The following GRM8 variants were observed in gnomAD, a reference collection of about 807,000 sequenced individuals.
The protein encoded by GRM8 is glutamate metabotropic receptor 8.
Under a neutral mutation model 87.2 loss-of-function variants are expected in GRM8, and 47 were observed. That is an observed-to-expected ratio of 0.54 (90% CI 0.43 to 0.69). The LOEUF (loss-of-function observed/expected upper bound fraction) is 0.69, where lower values mean the gene tolerates loss of function less well. Ranked by LOEUF, GRM8 falls within the 30% of genes least tolerant of loss-of-function variation. GRM8 has a pLI of 0.00. For synonymous variants in GRM8, 396 were observed against 404.5 expected, an observed-to-expected ratio of 0.98 and a Z score of 0.25; for missense variants, 1,019 against 1,139.2, an observed-to-expected ratio of 0.89 and a Z score of 1.52.
chr7:126,867,956 T>C (rs1193676289), intron 6 of GRM8, among the ~76,000 whole-genome samples: 3 of 152,220 alleles, frequency 2.0e-5, no homozygotes, highest in Non-Finnish European at 4.4e-5. Flanking sequence ...GGATACTTTC[T>C]ATCATAAAAT....
chr7:127,190,548 A>C (rs1794972221), intron 2 of GRM8, among the ~76,000 whole-genome samples: 1 of 152,154 alleles, frequency 6.6e-6, no homozygotes, highest in Non-Finnish European at 1.5e-5. Context: ...GGTCTTAAAA[A>C]AAAAAAAAAA....
intron 6 of GRM8, among the ~76,000 whole-genome samples, chr7:126,813,159 A>G (rs1042163905): frequency 3.9e-5 from 6 of 152,020 alleles, no homozygotes; most frequent in Non-Finnish European, 5.9e-5. Flanking sequence ...TGAACTTAAA[A>G]GTTTAAAAAA....
At chr7:127,211,776 C>A (rs1260464231) in intron 2 of GRM8, among the ~76,000 whole-genome samples, 2 of 152,342 alleles carry the variant, frequency 1.3e-5, no homozygotes, top group African/African-American at 4.8e-5. Context: ...CTTTACCACA[C>A]ACCAAATCTG....
chr7:126,723,033 A>G (rs1812594890), intron 7 of GRM8, among the ~76,000 whole-genome samples: 2 of 145,076 alleles, frequency 1.4e-5, no homozygotes, highest in South Asian at 4.2e-4. Context: ...TTATATATAT[A>G]AATCAAATCA....
chr7:126,732,562 T>C (rs1399146031), intron 7 of GRM8, among the ~76,000 whole-genome samples: 2 of 152,124 alleles, frequency 1.3e-5, no homozygotes, highest in African/African-American at 4.8e-5. Flanking sequence ...CCTGTTTCAT[T>C]AAAAATGTGA....
intron 3 of GRM8, among the ~76,000 whole-genome samples, chr7:126,960,276 A>C (rs1166155519): frequency 6.6e-6 from 1 of 152,216 alleles, no homozygotes; most frequent in Non-Finnish European, 1.5e-5. Context: ...AGTCTGTACA[A>C]ATGAAAACCA....
At chr7:126,810,494 G>T (rs1793184748) in intron 6 of GRM8, among the ~76,000 whole-genome samples, 1 of 152,138 alleles carries the variant, frequency 6.6e-6, no homozygotes, top group African/African-American at 2.4e-5. Context: ...TGCAAAAATT[G>T]TCAATGCTTC....
chr7:126,664,276 C>G (rs766884512), intron 7 of GRM8, among the ~76,000 whole-genome samples: 1 of 151,896 alleles, frequency 6.6e-6, no homozygotes, highest in Non-Finnish European at 1.5e-5. Context: ...TCATAGAGTT[C>G]GAAAAACTAT....
At chr7:126,592,812 T>C (rs889970100) in intron 8 of GRM8, among the ~76,000 whole-genome samples, 1 of 151,732 alleles carries the variant, frequency 6.6e-6, no homozygotes, top group African/African-American at 2.4e-5. Flanking sequence ...GTCAAAGCAA[T>C]AGGCAAGAGA....
chr7:127,198,341 A>C (rs542700951), intron 2 of GRM8, among the ~76,000 whole-genome samples: 1 of 152,336 alleles, frequency 6.6e-6, no homozygotes, highest in South Asian at 2.1e-4. Context: ...TGTCACCACG[A>C]ACACAGATAT....
In GRM8 at chr7:126,720,098, T is replaced by C. The variant is rs150598418; in HGVS notation, c.1357+49767A>G. Reference sequence around the variant, plus strand: ...GCTTCTTACCTTCCTTTCTTGTCTCTCTCTTCCTGTTCTTCCTTTATTATG... The same window carrying C: ...GCTTCTTACCTTCCTTTCTTGTCTCCCTCTTCCTGTTCTTCCTTTATTATG... On this transcript the variant is annotated intron_variant, in intron 7 of 10. Coordinates refer to ENST00000339582, the MANE Select transcript of GRM8 (RefSeq NM_000845.3). Among the ~76,000 whole-genome samples, 428 of 152,008 alleles carry C rather than the reference T, an allele frequency of 2.8e-3. 7 individuals are homozygous for C. Among genetic ancestry groups the C allele is most frequent in the African/African-American group, 9.8e-3 (408 of 41,498 alleles).
intron 8 of GRM8, among the ~76,000 whole-genome samples, chr7:126,577,729 T>C (rs1035827402): frequency 2.0e-5 from 3 of 152,204 alleles, no homozygotes; most frequent in South Asian, 4.1e-4. Context: ...TAAATCTCTA[T>C]GTAACCCAAT....
intron 6 of GRM8, among the ~76,000 whole-genome samples, chr7:126,816,499 C>G (rs1304380716): frequency 6.6e-6 from 1 of 152,082 alleles, no homozygotes; most frequent in Non-Finnish European, 1.5e-5. Context: ...CTTAAAATCA[C>G]CAGTTCTGAT....
rs1231914594 is a variant in GRM8 at position 126,601,157 on chromosome 7, C to T, written c.1494+8205G>A. On this transcript the variant is annotated intron_variant, in intron 8 of 10. Coordinates refer to ENST00000339582, the MANE Select transcript of GRM8 (RefSeq NM_000845.3). ...CCATGTGATCTCATTGTTCAATTCC[C>T]ACCTATGAGTGAGAATATGCGGTGT... Among the ~76,000 whole-genome samples the T allele has an allele frequency of 2.7e-5, 4 of 150,056 alleles. No individual in the cohort carries two copies. The East Asian group carries it at 5.9e-4, about 22-fold the overall frequency.
At chr7:127,095,981 A>T (rs781359636) in intron 3 of GRM8, among the ~76,000 whole-genome samples, 3 of 152,224 alleles carry the variant, frequency 2.0e-5, no homozygotes, top group Non-Finnish European at 4.4e-5. Context: ...AAAATGAAAA[A>T]GGAAGCAAGC....
At chr7:126,915,311 A>G (rs1050289795) in intron 3 of GRM8, among the ~76,000 whole-genome samples, 1 of 152,228 alleles carries the variant, frequency 6.6e-6, no homozygotes, top group African/African-American at 2.4e-5. Flanking sequence ...AAGAGATTCA[A>G]TCGACACTCA....
intron 6 of GRM8, among the ~76,000 whole-genome samples, chr7:126,808,014 A>C (rs188325140): frequency 6.6e-6 from 1 of 152,188 alleles, no homozygotes; most frequent in Admixed American, 6.5e-5. Flanking sequence ...CAGGGTAGAA[A>C]AAAATATCCT....
At chr7:126,998,671 C>T (rs1317699270) in intron 3 of GRM8, among the ~76,000 whole-genome samples, 1 of 151,042 alleles carries the variant, frequency 6.6e-6, no homozygotes, top group African/African-American at 2.4e-5. Context: ...AATATAGCTA[C>T]AAATAAAACG....
chr7:126,861,974 T>C (rs1397021844), intron 6 of GRM8, among the ~76,000 whole-genome samples: 1 of 151,930 alleles, frequency 6.6e-6, no homozygotes, highest in Non-Finnish European at 1.5e-5. Flanking sequence ...TTTTGTTTTG[T>C]TTTGTTTGGG....
Sources: gnomAD v4.1 joint callset for allele counts (sites outside exome capture counted in the v4.1 genomes callset) on GRCh38, gnomAD v4.1.1 for gene constraint, MANE v1.5 for transcripts, NCBI Gene and HGNC (gene_info 2026-07-23, HGNC 2026-07-21) for gene names.